The following SOCS7 variants were observed in gnomAD, a reference collection of about 807,000 sequenced individuals.
The protein encoded by SOCS7 is suppressor of cytokine signaling 7, also known as NAP-4.
In SOCS7, 18 loss-of-function variants were observed where a neutral mutation model predicts 58.9. That is an observed-to-expected ratio of 0.31 (90% CI 0.21 to 0.45). SOCS7 has a LOEUF of 0.45. SOCS7 is among the 20% of genes least tolerant of loss of function. The pLI, the probability that SOCS7 is intolerant of heterozygous loss-of-function variation, is 1.00. For synonymous variants in SOCS7, 388 were observed against 364.3 expected (o/e 1.06, Z -0.74); for missense variants, 667 against 837.3 (o/e 0.80, Z 2.51).
rs183484848 is a variant in SOCS7 at position 38,383,706 on chromosome 17, G to A, written c.1681+5864G>A. Among the ~76,000 whole-genome samples, 257 of 152,148 alleles carry A rather than the reference G, an allele frequency of 1.7e-3. 2 individuals carry two copies. Among genetic ancestry groups the A allele is most frequent in the African/African-American group, 5.8e-3 (242 of 41,512 alleles). ...ATTATAGGCGCCCACCATCACGCCC[G>A]GCTAAATTTTTGTATTTTTTAGAGA... On this transcript the variant is annotated intron_variant, in intron 7 of 9. Transcript: ENST00000612932.
At chr17:38,378,449 G>A (rs1379054155) in intron 7 of SOCS7, among the ~76,000 whole-genome samples, 1 of 152,130 alleles carries the variant, frequency 6.6e-6, no homozygotes, top group Non-Finnish European at 1.5e-5. Context: ...AGGAGGTCGA[G>A]GCTTCAGTGA....
At chr17:38,365,209 C>A in intron 3 of SOCS7, 99 bp from the exon 4 acceptor site, 1 of 852,460 alleles carries the variant, frequency 1.2e-6, no homozygotes. Context: ...CATCCTGCCC[C>A]AGAGGGCAGC....
chr17:38,371,511 CTG>C (rs2037864210), intron 6 of SOCS7, among the ~76,000 whole-genome samples: 1 of 99,648 alleles, frequency 1.0e-5, no homozygotes, highest in Non-Finnish European at 2.1e-5. Flanking sequence ...CTCAGGGGAT[CTG>C]CCCACCTCAG....
At chr17:38,354,402 T>C (rs1039023697) in intron 1 of SOCS7, among the ~76,000 whole-genome samples, 4 of 152,214 alleles carry the variant, frequency 2.6e-5, no homozygotes, top group Non-Finnish European at 5.9e-5. Flanking sequence ...GAACCACTCA[T>C]CCATAGACTT....
chr17:38,398,874 C>T (rs1407174946), intron 9 of SOCS7, among the ~76,000 whole-genome samples: 4 of 151,862 alleles, frequency 2.6e-5, no homozygotes, highest in South Asian at 2.1e-4. Flanking sequence ...GGGCTCATCA[C>T]GAGGTCAGGA....
At position 38,399,934 on chromosome 17, in the gene SOCS7, G is replaced by C. The variant is rs1772197767; in HGVS notation, c.*452G>C. ...TCAGCTGGTGCCAAAGGCAGAGTTAGAGTCTGTGCTGTGGGCCTGGAAGAT... is the reference window on the plus strand; with the variant it reads ...TCAGCTGGTGCCAAAGGCAGAGTTACAGTCTGTGCTGTGGGCCTGGAAGAT... On this transcript the variant is annotated 3_prime_UTR_variant, in exon 10 of 10. Coordinates refer to ENST00000612932, the MANE Select transcript of SOCS7 (RefSeq NM_014598.4). 1 of 152,426 alleles carries C rather than the reference G, an allele frequency of 6.6e-6. No individual in the cohort carries two copies. Among genetic ancestry groups the C allele is most frequent in the Non-Finnish European group, 1.5e-5 (1 of 68,138 alleles). The allele number at this position is 152,426 out of a possible 1,614,324, so 9.4% of individuals were successfully genotyped here. A position where few individuals can be genotyped will look rare whatever the true frequency, so the allele number is the denominator to read the frequency against.
chr17:38,372,941 T>C (rs1248857136), intron 6 of SOCS7, among the ~76,000 whole-genome samples: 1 of 152,068 alleles, frequency 6.6e-6, no homozygotes, highest in East Asian at 1.9e-4. Flanking sequence ...ACCCCATCTC[T>C]ACTAAAAATA....
chr17:38,355,331 C>A (rs2144308782), intron 1 of SOCS7, among the ~76,000 whole-genome samples: 1 of 152,244 alleles, frequency 6.6e-6, no homozygotes, highest in East Asian at 1.9e-4. Flanking sequence ...ATATTTTGTG[C>A]TTTTTAGAAG....
chr17:38,400,136 C>A lies in SOCS7; in HGVS notation c.*654C>A, dbSNP rs1450325626. ...CCTTAGCTGGGAGAAGTAGTGACTC[C>A]TGCATCCTTTTTTAAGGTTTAGGAA... On this transcript the variant is annotated 3_prime_UTR_variant, in exon 10 of 10. Coordinates refer to ENST00000612932, the MANE Select transcript of SOCS7 (RefSeq NM_014598.4). 6.6e-6 allele frequency: 1 copy of A among 152,190 alleles called. No individual in the cohort carries two copies. The highest frequency in any genetic ancestry group is 1.5e-5 in the Non-Finnish European group (1 of 68,032). The allele number at this position is 152,190 out of a possible 1,614,324, so 9.4% of individuals were successfully genotyped here. A position where few individuals can be genotyped will look rare whatever the true frequency, so the allele number is the denominator to read the frequency against.
Position 38,366,277 on chromosome 17 carries a change from T to C in SOCS7, c.1253-10T>C. 1 of 1,613,664 alleles carries C rather than the reference T, an allele frequency of 6.2e-7. No individual in the cohort carries two copies. On this transcript the variant is annotated splice_polypyrimidine_tract_variant and intron_variant, in intron 4 of 9. Transcript: ENST00000612932. Reference sequence around the variant, plus strand: ...GGTAAACAAGTGACCACCACTGTCTTGCCCTGCAGATGCATTTCCCCGGAT... The same window carrying C: ...GGTAAACAAGTGACCACCACTGTCTCGCCCTGCAGATGCATTTCCCCGGAT...
In SOCS7 at chr17:38,371,140, G is replaced by A. The variant is rs561639676; in HGVS notation, c.1552+3090G>A. ...GTTTTGTTTTGTTTTTTAAAGACAG[G>A]GTCTGGCTCTGTGCCCAGGTTGGAG... is the stretch of plus-strand genomic sequence containing the variant. On this transcript the variant is annotated intron_variant, in intron 6 of 9. Transcript: ENST00000612932. Among the ~76,000 whole-genome samples the A allele has an allele frequency of 1.4e-4, 21 of 152,182 alleles. No individual in the cohort carries two copies. The East Asian group carries it at 3.9e-3, about 28-fold the overall frequency.
At position 38,351,936 on chromosome 17, in the gene SOCS7, G is replaced by A. The variant is rs2037557290; in HGVS notation, c.-117G>A. ...CGCCCCCCTCTATGAGGCAGAGGCC[G>A]CGGCGGCCGTTAGCGCTGTCGCTCC... On this transcript the variant is annotated 5_prime_UTR_variant, in exon 1 of 10. Transcript: ENST00000612932. 1.3e-5 allele frequency among the ~76,000 whole-genome samples: 2 copies of A among 151,370 alleles called. No homozygotes were observed. The highest frequency in any genetic ancestry group is 6.6e-5 in the Admixed American group (1 of 15,208).
At chr17:38,386,755 T>C (rs1012377777) in intron 7 of SOCS7, among the ~76,000 whole-genome samples, 1 of 152,106 alleles carries the variant, frequency 6.6e-6, no homozygotes, top group African/African-American at 2.4e-5. Context: ...GATAACGAAT[T>C]GGTTCCCTAT....
In SOCS7 at chr17:38,352,334, G is replaced by A; in HGVS notation, c.282G>A (p.Arg94=). Residue 94 remains arginine (R), a synonymous_variant, in exon 1 of 10, where the codon CGG becomes CGA. Transcript: ENST00000612932. This position sits in a 1 kb window ranked among gnomAD's most constrained non-coding sequence, Gnocchi z 5.5. ...GACCCTCGGAACTGCTGTGTCCCCG[G>A]CACCGCTGTGCCCTGGACCCCAAGG... is the stretch of plus-strand genomic sequence containing the variant. The part of the protein sequence containing the change: ...EPGPSELLCP[R]HRCALDPKAL... 6.7e-7 allele frequency: 1 copy of A among 1,481,540 alleles called. No homozygotes were observed. Among genetic ancestry groups the A allele is most frequent in the Non-Finnish European group, 8.9e-7 (1 of 1,126,898 alleles). 91.8% of individuals were successfully genotyped at this position (1,481,540 alleles called of 1,614,324 possible).
At chr17:38,385,276 G>A (rs1415093724) in intron 7 of SOCS7, among the ~76,000 whole-genome samples, 2 of 151,336 alleles carry the variant, frequency 1.3e-5, no homozygotes, top group African/African-American at 2.4e-5. Flanking sequence ...TTAAAATATT[G>A]TTATGTTTGG....
chr17:38,395,072 CA>C (rs2038228006), intron 7 of SOCS7, among the ~76,000 whole-genome samples: 1 of 151,944 alleles, frequency 6.6e-6, no homozygotes, highest in Non-Finnish European at 1.5e-5. Flanking sequence ...AAAAGACACA[CA>C]AAAAAGTGAT....
Position 38,352,214 on chromosome 17 carries a change from C to T in SOCS7, c.162C>T (p.Pro54=). The change falls in exon 1 of 10, where the codon CCC becomes CCT. Residue 54 remains proline (P), a synonymous_variant. Transcript: ENST00000612932. The surrounding 1 kb of genome is among the most constrained non-coding windows in gnomAD (Gnocchi z 5.5). ...CGCCGCCACCCTTCCTCGCGCGGCC[C>T]GGCCCGCGGGGCTCCCGGCCGCCGC... ...GPPPPPFLAR[P]GPRGSRPPQL... 4.5e-6 allele frequency: 6 copies of T among 1,345,456 alleles called. No individual in the cohort carries two copies. The highest frequency in any genetic ancestry group is 5.7e-6 in the Non-Finnish European group (6 of 1,056,740). The allele number at this position is 1,345,456 out of a possible 1,614,324, so 83.3% of individuals were successfully genotyped here.
rs1269265074 is a variant in SOCS7, at chr17:38,351,874, G to C, written c.-179G>C. The stretch of plus-strand genomic sequence containing the variant: ...GGGGGCGGTGCTCGGCGGTGGCGGA[G>C]CGCGGCCTGGGCTCGCGCTGGGCTC... On this transcript the variant is annotated 5_prime_UTR_variant, in exon 1 of 10. Transcript: ENST00000612932. Among the ~76,000 whole-genome samples the C allele has an allele frequency of 6.6e-6, 1 of 151,510 alleles. No homozygotes were observed. Among genetic ancestry groups the C allele is most frequent in the East Asian group, 1.9e-4 (1 of 5,136 alleles).
chr17:38,355,556 C>G (rs2037626363), intron 1 of SOCS7, among the ~76,000 whole-genome samples: 1 of 152,148 alleles, frequency 6.6e-6, no homozygotes, highest in Non-Finnish European at 1.5e-5. Context: ...AGCTTGTTCT[C>G]TTGTTTTGAT....
Sources: allele counts gnomAD v4.1 joint callset (sites outside exome capture counted in the v4.1 genomes callset), GRCh38; gene constraint gnomAD v4.1.1; non-coding constraint Gnocchi (gnomAD v3.1); transcripts MANE v1.5; gene names NCBI Gene and HGNC (gene_info 2026-07-23, HGNC 2026-07-21).